The following PLA2G4E variants were observed in gnomAD, a reference collection of about 807,000 sequenced individuals.
PLA2G4E encodes the protein cytosolic phospholipase A2 epsilon.
In PLA2G4E, 84 loss-of-function variants were observed where a neutral mutation model predicts 109.1. That is an observed-to-expected ratio of 0.77 (90% CI 0.65 to 0.92). PLA2G4E has a LOEUF of 0.92. Ranked by LOEUF, PLA2G4E falls within the 40% of genes least tolerant of loss-of-function variation. The probability of loss-of-function intolerance (pLI) is 0.00; values close to 1 mark genes in which losing one functional copy is unlikely to be tolerated. For synonymous variants in PLA2G4E, 469 were observed against 436.1 expected, an observed-to-expected ratio of 1.08 and a Z score of -0.94; for missense variants, 1,057 against 1,076.6, an observed-to-expected ratio of 0.98 and a Z score of 0.25.
chr15:41,995,586 A>C, intron 11 of PLA2G4E, 90 bp from the exon 12 acceptor site: 2 of 1,531,306 alleles, frequency 1.3e-6, no homozygotes, highest in Non-Finnish European at 1.8e-6. Flanking sequence ...TGAAAGAACA[A>C]TGGAGGAGGC....
intron 2 of PLA2G4E, among the ~76,000 whole-genome samples, chr15:42,008,505 C>T (rs929086482): frequency 1.3e-5 from 2 of 152,260 alleles, no homozygotes; most frequent in African/African-American, 4.8e-5. Flanking sequence ...AAACCCTCCC[C>T]TCTGTGGCCA....
At chr15:42,038,331 C>A (rs985341895) in intron 1 of PLA2G4E, among the ~76,000 whole-genome samples, 23 of 152,180 alleles carry the variant, frequency 1.5e-4, no homozygotes, top group Admixed American at 1.2e-3. Context: ...CACTTTATTT[C>A]TATTATTATT....
At chr15:41,987,334 T>C in exon 17 of PLA2G4E, 1 of 1,613,938 alleles carries the variant, frequency 6.2e-7, no homozygotes. Context: ...TCCAGGATGT[T>C]AGCATCACAT....
intron 1 of PLA2G4E, among the ~76,000 whole-genome samples, chr15:42,017,032 C>G (rs1214040506): frequency 6.6e-6 from 1 of 152,206 alleles, no homozygotes; most frequent in South Asian, 2.1e-4. Context: ...TTTCACCAGG[C>G]AAGCAGTTTT....
intron 18 of PLA2G4E, among the ~76,000 whole-genome samples, chr15:41,985,636 C>T (rs930880397): frequency 4.6e-5 from 7 of 152,244 alleles, no homozygotes; most frequent in African/African-American, 1.7e-4. Flanking sequence ...AACATGGGCA[C>T]CATGGTGTGA....
At chr15:42,011,074 C>T (rs1032351694) in intron 2 of PLA2G4E, among the ~76,000 whole-genome samples, 2 of 152,252 alleles carry the variant, frequency 1.3e-5, no homozygotes, top group African/African-American at 4.8e-5. Flanking sequence ...CCAGACCAGA[C>T]ATGACTGGGG....
chr15:42,016,048 G>A (rs960814600), intron 1 of PLA2G4E, among the ~76,000 whole-genome samples: 26 of 152,086 alleles, frequency 1.7e-4, no homozygotes, highest in African/African-American at 3.6e-4. Flanking sequence ...TTATAGAAGC[G>A]TCTGAACCGG....
chr15:42,044,673 T>C (rs571808960), intron 1 of PLA2G4E, among the ~76,000 whole-genome samples: 23 of 148,450 alleles, frequency 1.5e-4, no homozygotes, highest in Non-Finnish European at 2.5e-4. Context: ...TTAGGAGATA[T>C]ACCTAATGCT....
At chr15:41,986,860 AAAGT>A (rs2068149896) in intron 17 of PLA2G4E, 1 of 391,700 alleles carries the variant, frequency 2.6e-6, no homozygotes, top group Non-Finnish European at 4.8e-6. Context: ...ACAACTGCAG[AAAGT>A]AAGACCCCCT....
chr15:42,015,192 A>G (rs1039098065), intron 1 of PLA2G4E, among the ~76,000 whole-genome samples: 1 of 151,616 alleles, frequency 6.6e-6, no homozygotes, highest in African/African-American at 2.4e-5. Context: ...AGCAGCCACT[A>G]CTCTACTTTA....
chr15:42,032,049 A>C (rs146747971), intron 1 of PLA2G4E, among the ~76,000 whole-genome samples: 122 of 152,228 alleles, frequency 8.0e-4, no homozygotes, highest in African/African-American at 2.8e-3. Flanking sequence ...GTTAAAAAAG[A>C]GTTGACCTCC....
chr15:42,036,428 G>C (rs1328714842), intron 1 of PLA2G4E, among the ~76,000 whole-genome samples: 1 of 152,202 alleles, frequency 6.6e-6, no homozygotes, highest in African/African-American at 2.4e-5. Flanking sequence ...TCTGAAAGTG[G>C]GAGCGGTGCC....
At chr15:42,004,283 C>CA (rs1304675463) in intron 5 of PLA2G4E, among the ~76,000 whole-genome samples, 1 of 142,936 alleles carries the variant, frequency 7.0e-6, no homozygotes, top group Non-Finnish European at 1.5e-5. Context: ...GCCTGGATGA[C>CA]AGAGTGAGAC....
In PLA2G4E at chr15:42,004,828, C is replaced by T. The variant is rs1298639914; in HGVS notation, c.566+110G>A. The T allele has an allele frequency of 8.5e-6, 10 of 1,179,450 alleles. No individual in the cohort carries two copies. The Admixed American group carries it at 1.9e-4, about 23-fold the overall frequency. 73.1% of individuals were successfully genotyped at this position (1,179,450 alleles called of 1,614,324 possible). On this transcript the variant is annotated intron_variant, in intron 5 of 19. Transcript: ENST00000399518. Reference sequence around the variant, plus strand: ...GTCAGGGTTAGTGCCAGGAGTGAGACTGGAAGAGGGTGAGGCAGCAAAAAG... The same window carrying T: ...GTCAGGGTTAGTGCCAGGAGTGAGATTGGAAGAGGGTGAGGCAGCAAAAAG...
chr15:41,981,950 A>C (rs2068073451), exon 20 of PLA2G4E: 1 of 152,130 alleles, frequency 6.6e-6, no homozygotes, highest in Non-Finnish European at 1.5e-5. Flanking sequence ...CTCAAACTTC[A>C]ATATGCACAG....
intron 13 of PLA2G4E, 79 bp downstream of exon 13, chr15:41,992,658 G>T: frequency 7.1e-7 from 1 of 1,401,976 alleles, no homozygotes; most frequent in Non-Finnish European, 9.8e-7. Context: ...TGCAATGGAA[G>T]TCCTGACTCC....
intron 1 of PLA2G4E, among the ~76,000 whole-genome samples, chr15:42,030,820 T>C (rs968740745): frequency 3.9e-5 from 6 of 152,252 alleles, no homozygotes; most frequent in Non-Finnish European, 7.3e-5. Context: ...CTTTTGTGTG[T>C]GGCCCCTTTC....
chr15:42,001,111 A>C (rs757199700), intron 7 of PLA2G4E, 46 bp downstream of exon 7: 2 of 1,551,700 alleles, frequency 1.3e-6, no homozygotes, highest in African/African-American at 2.7e-5. Flanking sequence ...ATTTGGAAGC[A>C]GCTCCCCCTT....
intron 1 of PLA2G4E, among the ~76,000 whole-genome samples, chr15:42,029,045 C>T (rs1889071271): frequency 6.6e-6 from 1 of 152,162 alleles, no homozygotes; most frequent in Non-Finnish European, 1.5e-5. Context: ...ATATTTTCTG[C>T]CCTGCCTTAT....
Sources: allele counts gnomAD v4.1 joint callset (sites outside exome capture counted in the v4.1 genomes callset), GRCh38; gene constraint gnomAD v4.1.1; transcripts MANE v1.5; gene names NCBI Gene and HGNC (gene_info 2026-07-23, HGNC 2026-07-21).